RNF130: variants seen among roughly 807,000 people sequenced by gnomAD.
The protein encoded by RNF130 is E3 ubiquitin-protein ligase RNF130.
In RNF130, 21 loss-of-function variants were observed where a neutral mutation model predicts 44.6. That is an observed-to-expected ratio of 0.47 (90% CI 0.33 to 0.68). The LOEUF is 0.68. RNF130 is among the 30% of genes least tolerant of loss of function. The probability of loss-of-function intolerance (pLI) is 0.02; values close to 1 mark genes in which losing one functional copy is unlikely to be tolerated. For synonymous variants in RNF130, 214 were observed against 210.4 expected (o/e 1.02, Z -0.15); for missense variants, 479 against 560.6 (o/e 0.85, Z 1.47).
intron 2 of RNF130, among the ~76,000 whole-genome samples, chr5:180,014,923 C>T (rs565785930): frequency 9.2e-5 from 14 of 152,114 alleles, no homozygotes; most frequent in Non-Finnish European, 1.6e-4. Flanking sequence ...GAAGTTGAGG[C>T]TGCAGTGAGC....
At chr5:179,978,452 AATT>A (rs1762764344) in intron 4 of RNF130, among the ~76,000 whole-genome samples, 167 bp from the exon 5 acceptor site, 2 of 152,366 alleles carry the variant, frequency 1.3e-5, no homozygotes, top group South Asian at 4.1e-4. Flanking sequence ...TATTGGCCCA[AATT>A]ATGTCTAAGT....
intron 3 of RNF130, among the ~76,000 whole-genome samples, chr5:180,010,414 C>T (rs543560744): frequency 3.8e-4 from 58 of 151,910 alleles, no homozygotes; most frequent in Non-Finnish European, 7.8e-4. Flanking sequence ...GGCTGGAGTG[C>T]AGTGGTACGA....
intron 1 of RNF130, among the ~76,000 whole-genome samples, chr5:180,044,322 C>T (rs1241090370): frequency 2.0e-5 from 3 of 152,038 alleles, no homozygotes; most frequent in Non-Finnish European, 4.4e-5. Flanking sequence ...ATAGATAATA[C>T]AAAATATTTT....
chr5:180,008,218 G>A (rs1220175075), intron 3 of RNF130, among the ~76,000 whole-genome samples: 1 of 151,802 alleles, frequency 6.6e-6, no homozygotes, highest in Non-Finnish European at 1.5e-5. Flanking sequence ...GCCCAACTCC[G>A]CTAGCCAAAG....
intron 2 of RNF130, 109 bp from the exon 3 acceptor site, chr5:180,013,420 G>T: frequency 2.0e-6 from 2 of 997,738 alleles, no homozygotes; most frequent in Non-Finnish European, 2.9e-6. Flanking sequence ...GTAATGGAAA[G>T]GGTATGCAAA....
At chr5:180,061,789 T>C (rs1255652610) in intron 1 of RNF130, among the ~76,000 whole-genome samples, 1 of 152,234 alleles carries the variant, frequency 6.6e-6, no homozygotes, top group Non-Finnish European at 1.5e-5. Flanking sequence ...TAAGGGCACA[T>C]TCTGAGGTTC....
chr5:180,039,044 T>G (rs79347818), intron 2 of RNF130, among the ~76,000 whole-genome samples: 1 of 152,200 alleles, frequency 6.6e-6, no homozygotes, highest in African/African-American at 2.4e-5. Context: ...TCCACATAGA[T>G]GTCCAGCTAA....
chr5:179,989,436 T>C (rs1763028435), intron 3 of RNF130, among the ~76,000 whole-genome samples: 1 of 152,208 alleles, frequency 6.6e-6, no homozygotes, highest in African/African-American at 2.4e-5. Flanking sequence ...GGTGCTATGG[T>C]GTTGGGTGTA....
chr5:180,005,482 C>T (rs376827881), intron 3 of RNF130, among the ~76,000 whole-genome samples: 26 of 152,206 alleles, frequency 1.7e-4, no homozygotes, highest in African/African-American at 6.3e-4. Flanking sequence ...TAGAATAAAG[C>T]CTAACTTTCT....
At chr5:179,988,615 T>C (rs1763007612) in intron 3 of RNF130, among the ~76,000 whole-genome samples, 2 of 149,998 alleles carry the variant, frequency 1.3e-5, no homozygotes, top group African/African-American at 4.9e-5. Flanking sequence ...TTTTCATTTA[T>C]TTCAAGAACT....
chr5:179,946,784 G>A (rs1762049277), intron 7 of RNF130, among the ~76,000 whole-genome samples: 1 of 152,112 alleles, frequency 6.6e-6, no homozygotes, highest in Non-Finnish European at 1.5e-5. Flanking sequence ...TCGATCTCCT[G>A]ACCTCGTGAT....
chr5:179,972,938 A>G (rs571360363), intron 5 of RNF130, among the ~76,000 whole-genome samples: 6 of 152,060 alleles, frequency 3.9e-5, no homozygotes, highest in Non-Finnish European at 8.8e-5. Context: ...AACAATTAAA[A>G]ATTTCTCCTC....
At chr5:179,934,964 G>A (rs757027966) in intron 7 of RNF130, among the ~76,000 whole-genome samples, 4 of 151,774 alleles carry the variant, frequency 2.6e-5, no homozygotes, top group African/African-American at 7.3e-5. Context: ...CGAACTTTTC[G>A]CTAGGCTTTC....
intron 7 of RNF130, among the ~76,000 whole-genome samples, chr5:179,947,296 C>T (rs1762055836): frequency 6.6e-6 from 1 of 152,184 alleles, no homozygotes; most frequent in African/African-American, 2.4e-5. Flanking sequence ...CTGACTGCTG[C>T]CCACAGTAAA....
intron 3 of RNF130, among the ~76,000 whole-genome samples, chr5:180,004,522 T>C (rs189286166): frequency 6.6e-6 from 1 of 152,370 alleles, no homozygotes; most frequent in East Asian, 1.9e-4. Context: ...CTGAAAAGAC[T>C]TTCTATAGCA....
chr5:180,058,672 C>T (rs1242918303), intron 1 of RNF130, among the ~76,000 whole-genome samples: 1 of 152,098 alleles, frequency 6.6e-6, no homozygotes, highest in Non-Finnish European at 1.5e-5. Flanking sequence ...TCTCCTGCCT[C>T]AGCCTCCTGA....
At chr5:179,923,274 C>T (rs938455694) in intron 7 of RNF130, among the ~76,000 whole-genome samples, 1 of 151,926 alleles carries the variant, frequency 6.6e-6, no homozygotes, top group Non-Finnish European at 1.5e-5. Context: ...CCAATTGTTC[C>T]GTCGTCGATT....
chr5:179,937,931 T>A (rs868228098), intron 7 of RNF130, among the ~76,000 whole-genome samples: 3,697 of 130,122 alleles, frequency 0.028, 129 homozygotes, highest in African/African-American at 0.098. Flanking sequence ...TGTGTGTGTG[T>A]GTGAGAGAGA....
intron 3 of RNF130, among the ~76,000 whole-genome samples, chr5:180,003,202 A>G (rs1433103024): frequency 1.3e-5 from 2 of 152,084 alleles, no homozygotes; most frequent in Non-Finnish European, 2.9e-5. Context: ...GAACCTCATG[A>G]CTGACATGGA....
Sources: allele counts gnomAD v4.1 joint callset (sites outside exome capture counted in the v4.1 genomes callset), GRCh38; gene constraint gnomAD v4.1.1; transcripts MANE v1.5; gene names NCBI Gene and HGNC (gene_info 2026-07-23, HGNC 2026-07-21).